The following KLHL32 variants were observed in gnomAD, a reference collection of about 807,000 sequenced individuals.
KLHL32 encodes kelch like family member 32.
KLHL32 carries 35 observed loss-of-function variants against 64.8 expected under a neutral mutation model. That is an observed-to-expected ratio of 0.54 (90% CI 0.41 to 0.72). The LOEUF (loss-of-function observed/expected upper bound fraction) is 0.72, where lower values mean the gene tolerates loss of function less well. Among genes scored for constraint, KLHL32 ranks in the 30% least tolerant of loss-of-function variants. The pLI, the probability that KLHL32 is intolerant of heterozygous loss-of-function variation, is 0.00. For missense variants in KLHL32, 589 were observed against 768.5 expected (o/e 0.77, Z 2.76); for synonymous variants, 259 against 281.0 (o/e 0.92, Z 0.78).
chr6:96,958,035 T>G (rs981819729), intron 1 of KLHL32, among the ~76,000 whole-genome samples: 1 of 152,210 alleles, frequency 6.6e-6, no homozygotes, highest in Non-Finnish European at 1.5e-5. Flanking sequence ...GTGAGCAAGA[T>G]AGATGTGGAT....
the KLHL32 span, among the ~76,000 whole-genome samples, chr6:96,916,053 C>G: frequency 6.6e-6 from 1 of 152,138 alleles, no homozygotes; most frequent in Non-Finnish European, 1.5e-5. Context: ...TGGGCAGCCT[C>G]CAGAATCACA....
intron 2 of KLHL32, among the ~76,000 whole-genome samples, chr6:96,974,108 C>T (rs1432717957): frequency 1.3e-5 from 2 of 151,914 alleles, no homozygotes; most frequent in African/African-American, 4.8e-5. Context: ...GGATCTTGGA[C>T]CTTCAGTTTT....
intron 3 of KLHL32, among the ~76,000 whole-genome samples, chr6:96,990,046 T>C (rs143292549): frequency 0.012 from 1,778 of 152,310 alleles, 39 homozygotes; most frequent in African/African-American, 0.041. Flanking sequence ...TCCTGAATTG[T>C]GATGATCTTC....
At chr6:97,058,585 C>T (rs1446953216) in intron 4 of KLHL32, among the ~76,000 whole-genome samples, 1 of 152,208 alleles carries the variant, frequency 6.6e-6, no homozygotes, top group East Asian at 1.9e-4. Flanking sequence ...GGCTCTTTTA[C>T]AGCTATGTGT....
chr6:97,055,858 C>G (rs12206420), intron 4 of KLHL32, among the ~76,000 whole-genome samples: 2 of 144,754 alleles, frequency 1.4e-5, no homozygotes, highest in East Asian at 4.2e-4. Context: ...TGAGCTACCA[C>G]TTATTTCTCT....
chr6:96,908,020 C>G, the KLHL32 span, among the ~76,000 whole-genome samples: 5 of 152,196 alleles, frequency 3.3e-5, no homozygotes, highest in Admixed American at 3.3e-4. Flanking sequence ...GCCAAGAGAA[C>G]AGAAACTACA....
chr6:97,059,720 A>G (rs1253795880), intron 4 of KLHL32, among the ~76,000 whole-genome samples: 2 of 152,210 alleles, frequency 1.3e-5, no homozygotes, highest in African/African-American at 4.8e-5. Flanking sequence ...TCTCATAGCT[A>G]GATAGATCTT....
At chr6:97,040,480 G>A (rs1408478750) in intron 3 of KLHL32, among the ~76,000 whole-genome samples, 1 of 152,160 alleles carries the variant, frequency 6.6e-6, no homozygotes, top group East Asian at 1.9e-4. Context: ...ATTCAAGTGG[G>A]CATGAGAGTC....
chr6:96,904,278 G>T, the KLHL32 span, among the ~76,000 whole-genome samples: 7 of 150,254 alleles, frequency 4.7e-5, no homozygotes, highest in Admixed American at 1.3e-4. Context: ...GGAGGCGGAG[G>T]TTGCAGTGAG....
chr6:96,898,990 T>C, the KLHL32 span, among the ~76,000 whole-genome samples: 1 of 152,074 alleles, frequency 6.6e-6, no homozygotes, highest in Non-Finnish European at 1.5e-5. Context: ...GATAATCGAA[T>C]AGAATAATAA....
intron 1 of KLHL32, among the ~76,000 whole-genome samples, chr6:96,931,021 G>C (rs1270835498): frequency 6.6e-6 from 1 of 152,042 alleles, no homozygotes; most frequent in African/African-American, 2.4e-5. Flanking sequence ...TCAATTTCTA[G>C]AGCCCACATC....
At chr6:96,941,485 A>C (rs556366249) in intron 1 of KLHL32, among the ~76,000 whole-genome samples, 9 of 152,206 alleles carry the variant, frequency 5.9e-5, no homozygotes, top group Non-Finnish European at 1.3e-4. Flanking sequence ...TTCTTAAATA[A>C]GTTTTCTGAG....
chr6:97,106,378 G>A (rs1180959174), intron 6 of KLHL32, among the ~76,000 whole-genome samples: 1 of 152,080 alleles, frequency 6.6e-6, no homozygotes, highest in African/African-American at 2.4e-5. Context: ...AAACTAAAGG[G>A]AAGGGATTAT....
intron 5 of KLHL32, among the ~76,000 whole-genome samples, chr6:97,069,782 G>T (rs1002212034): frequency 3.9e-5 from 6 of 151,912 alleles, no homozygotes; most frequent in African/African-American, 1.2e-4. Flanking sequence ...CATTAGTTTT[G>T]CCCACTGAAT....
chr6:97,123,793 A>G (rs1798611850), intron 7 of KLHL32, among the ~76,000 whole-genome samples: 5 of 152,170 alleles, frequency 3.3e-5, no homozygotes, highest in Admixed American at 3.3e-4. Context: ...ATTGCAGGGG[A>G]CAGTATAGCA....
At chr6:96,984,637 T>C (rs1005748276) in intron 3 of KLHL32, among the ~76,000 whole-genome samples, 4 of 152,242 alleles carry the variant, frequency 2.6e-5, no homozygotes, top group Non-Finnish European at 4.4e-5. Context: ...GTAATGGCCT[T>C]GTCTCTTTTG....
chr6:97,038,121 T>C (rs1184571272), intron 3 of KLHL32, among the ~76,000 whole-genome samples: 1 of 152,146 alleles, frequency 6.6e-6, no homozygotes, highest in Non-Finnish European at 1.5e-5. Context: ...CAAAGGCTTT[T>C]TGGGATTAAG....
At chr6:97,010,100 A>G (rs1780176964) in intron 3 of KLHL32, 1 of 147,324 alleles carries the variant, frequency 6.8e-6, no homozygotes, top group East Asian at 2.0e-4. Flanking sequence ...ACTTAGGGTA[A>G]GGAAAAGGAT....
chr6:97,129,100 G>C (rs1799170788), intron 8 of KLHL32, among the ~76,000 whole-genome samples: 1 of 152,176 alleles, frequency 6.6e-6, no homozygotes, highest in Non-Finnish European at 1.5e-5. Flanking sequence ...TCAAATGGGG[G>C]AACAGATAAA....
Sources: gnomAD v4.1 joint callset for allele counts (sites outside exome capture counted in the v4.1 genomes callset) on GRCh38, gnomAD v4.1.1 for gene constraint, MANE v1.5 for transcripts, NCBI Gene and HGNC (gene_info 2026-07-23, HGNC 2026-07-21) for gene names.